Variants in CXCL13 observed in about 807,000 individuals in gnomAD.
CXCL13 encodes the protein C-X-C motif chemokine 13.
Under a neutral mutation model 12.2 loss-of-function variants are expected in CXCL13, and 7 were observed. That is an observed-to-expected ratio of 0.57 (90% CI 0.33 to 1.07). The LOEUF (loss-of-function observed/expected upper bound fraction) is 1.07. CXCL13 is among the 50% of genes least tolerant of loss of function. The pLI is 0.04. For synonymous variants in CXCL13, 47 were observed against 42.4 expected, an observed-to-expected ratio of 1.11 and a Z score of -0.42; for missense variants, 113 against 127.4, an observed-to-expected ratio of 0.89 and a Z score of 0.55.
At chr4:77,572,560 T>C (rs1726111160) in intron 1 of CXCL13, among the ~76,000 whole-genome samples, 1 of 151,832 alleles carries the variant, frequency 6.6e-6, no homozygotes, top group Non-Finnish European at 1.5e-5. Context: ...CCAGTCAGAA[T>C]GGCTATTATT....
chr4:77,526,491 A>G (rs1724771714), intron 1 of CXCL13, among the ~76,000 whole-genome samples: 1 of 152,024 alleles, frequency 6.6e-6, no homozygotes, highest in Non-Finnish European at 1.5e-5. Flanking sequence ...TAAAAGGCAA[A>G]TGATGGAAAA....
chr4:77,557,005 A>G (rs1252823662), intron 1 of CXCL13, among the ~76,000 whole-genome samples: 2 of 152,144 alleles, frequency 1.3e-5, no homozygotes, highest in Non-Finnish European at 2.9e-5. Context: ...CTGCAGAGTG[A>G]GACCCAAAAG....
At chr4:77,562,018 A>T (rs1725826607) in intron 1 of CXCL13, among the ~76,000 whole-genome samples, 1 of 152,132 alleles carries the variant, frequency 6.6e-6, no homozygotes, top group Non-Finnish European at 1.5e-5. Flanking sequence ...CTGGGCCAGC[A>T]GCTGCGGAGG....
chr4:77,557,524 C>T (rs1405578038), intron 1 of CXCL13, among the ~76,000 whole-genome samples: 2 of 152,160 alleles, frequency 1.3e-5, no homozygotes, highest in East Asian at 3.9e-4. Flanking sequence ...CTAGTTTTTC[C>T]TCAGGGACAC....
At chr4:77,516,071 G>C (rs1283424419) in intron 1 of CXCL13, among the ~76,000 whole-genome samples, 1 of 152,094 alleles carries the variant, frequency 6.6e-6, no homozygotes, top group Non-Finnish European at 1.5e-5. Context: ...ATAATCATGT[G>C]GTTTTCGTCT....
At chr4:77,544,409 C>T (rs1376120806) in intron 1 of CXCL13, among the ~76,000 whole-genome samples, 7 of 152,024 alleles carry the variant, frequency 4.6e-5, no homozygotes, top group Non-Finnish European at 7.4e-5. Context: ...CCAGCACCTG[C>T]TGTTTCCTGA....
At chr4:77,560,510 T>C (rs6816133) in intron 1 of CXCL13, among the ~76,000 whole-genome samples, 2,075 of 152,320 alleles carry the variant, frequency 0.014, 51 homozygotes, top group African/African-American at 0.048. Flanking sequence ...TTCTGATCTT[T>C]TTTCTATACA....
chr4:77,597,187 G>A (rs1578071427), intron 1 of CXCL13, among the ~76,000 whole-genome samples: 1 of 152,112 alleles, frequency 6.6e-6, no homozygotes, highest in East Asian at 1.9e-4. Flanking sequence ...AAAAATGATA[G>A]ATTACTTAAA....
intron 1 of CXCL13, among the ~76,000 whole-genome samples, chr4:77,557,284 A>T (rs1418144403): frequency 6.6e-6 from 1 of 152,020 alleles, no homozygotes; most frequent in Non-Finnish European, 1.5e-5. Context: ...CTTAGTTCAC[A>T]TTTGTTTGTG....
chr4:77,578,143 G>A (rs1268208112), intron 1 of CXCL13, among the ~76,000 whole-genome samples: 1 of 152,132 alleles, frequency 6.6e-6, no homozygotes, highest in Non-Finnish European at 1.5e-5. Context: ...CTCTCCCTGT[G>A]CAAACTGGTA....
At chr4:77,602,791 T>C (rs1726908388), upstream of CXCL13, among the ~76,000 whole-genome samples, 1 of 152,240 alleles carries the variant, frequency 6.6e-6, no homozygotes, top group Admixed American at 6.5e-5. Context: ...ATTTGAGTTT[T>C]AAATCTATTT....
chr4:77,513,299 T>C (rs1227127046), intron 1 of CXCL13, among the ~76,000 whole-genome samples: 1 of 152,208 alleles, frequency 6.6e-6, no homozygotes, highest in African/African-American at 2.4e-5. Flanking sequence ...ATATACCCAG[T>C]GATGGGATCG....
At chr4:77,520,377 C>T (rs146303513) in intron 1 of CXCL13, among the ~76,000 whole-genome samples, 4,139 of 152,040 alleles carry the variant, frequency 0.027, 199 homozygotes, top group African/African-American at 0.094. Flanking sequence ...TGTTTGTGTC[C>T]TCTTTTATTT....
chr4:77,566,688 T>G (rs1560528143), intron 1 of CXCL13, among the ~76,000 whole-genome samples: 1 of 152,166 alleles, frequency 6.6e-6, no homozygotes. Context: ...GAGCCTCCTG[T>G]CCCCTCACCC....
chr4:77,546,605 A>C (rs1297572997), intron 1 of CXCL13, among the ~76,000 whole-genome samples: 1 of 151,948 alleles, frequency 6.6e-6, no homozygotes, highest in East Asian at 1.9e-4. Context: ...CCCCTTTATC[A>C]TTTTTATTGC....
chr4:77,577,371 T>C (rs574828313), intron 1 of CXCL13, among the ~76,000 whole-genome samples: 1 of 152,094 alleles, frequency 6.6e-6, no homozygotes, highest in South Asian at 2.1e-4. Context: ...CCAAGACACA[T>C]TTTTGGTCCC....
chr4:77,555,100 T>C (rs1463438246), intron 1 of CXCL13, among the ~76,000 whole-genome samples: 2 of 151,520 alleles, frequency 1.3e-5, no homozygotes. Flanking sequence ...ATAAATGAAA[T>C]TTGAAAATAT....
intron 1 of CXCL13, among the ~76,000 whole-genome samples, chr4:77,544,740 C>G (rs1351738118): frequency 1.3e-5 from 2 of 152,196 alleles, no homozygotes; most frequent in Non-Finnish European, 1.5e-5. Flanking sequence ...TTCAGAAGCT[C>G]TTTAGTTTAA....
At chr4:77,557,136 A>G (rs1325253535) in intron 1 of CXCL13, among the ~76,000 whole-genome samples, 2 of 152,168 alleles carry the variant, frequency 1.3e-5, no homozygotes, top group Non-Finnish European at 2.9e-5. Flanking sequence ...GAAAACAGAA[A>G]TCTTCAGTTT....
Sources: gnomAD v4.1 joint callset for allele counts (sites outside exome capture counted in the v4.1 genomes callset) on GRCh38, gnomAD v4.1.1 for gene constraint, MANE v1.5 for transcripts, NCBI Gene and HGNC (gene_info 2026-07-23, HGNC 2026-07-21) for gene names.